The following AGBL4 variants were observed in gnomAD, a reference collection of about 807,000 sequenced individuals.
AGBL4 encodes AGBL carboxypeptidase 4.
In AGBL4, 58 loss-of-function variants were observed where a neutral mutation model predicts 66.4. The observed-to-expected ratio is 0.87, with a 90% CI of 0.71 to 1.09. The LOEUF (loss-of-function observed/expected upper bound fraction) is 1.09. AGBL4 is among the 50% of genes least tolerant of loss of function. The probability of loss-of-function intolerance (pLI) is 0.00; values close to 1 mark genes in which losing one functional copy is unlikely to be tolerated. For missense variants in AGBL4, 579 were observed against 631.0 expected (o/e 0.92, Z 0.88); for synonymous variants, 234 against 222.9 (o/e 1.05, Z -0.44).
chr1:48,926,776 A>T (rs1282293096), intron 5 of AGBL4, among the ~76,000 whole-genome samples: 1 of 152,172 alleles, frequency 6.6e-6, no homozygotes. Context: ...ACTGACTTGA[A>T]GTCTGTATTA....
chr1:48,977,687 C>A (rs777791855), intron 5 of AGBL4, among the ~76,000 whole-genome samples: 1 of 152,070 alleles, frequency 6.6e-6, no homozygotes, highest in Non-Finnish European at 1.5e-5. Flanking sequence ...GTTCCTTATG[C>A]TACTAAGCTA....
chr1:48,843,642 A>G (rs72890086), intron 6 of AGBL4, among the ~76,000 whole-genome samples: 6,296 of 152,250 alleles, frequency 0.041, 432 homozygotes, highest in African/African-American at 0.14. Context: ...CTAAACAAAA[A>G]CAAAGTGGAA....
chr1:48,896,951 G>A (rs961381059), intron 5 of AGBL4, among the ~76,000 whole-genome samples: 2 of 152,154 alleles, frequency 1.3e-5, no homozygotes, highest in African/African-American at 4.8e-5. Context: ...TGTTATTTCA[G>A]ATTTCTAATT....
intron 6 of AGBL4, among the ~76,000 whole-genome samples, chr1:48,739,302 T>C (rs1168436262): frequency 6.6e-6 from 1 of 152,252 alleles, no homozygotes; most frequent in Non-Finnish European, 1.5e-5. Flanking sequence ...TTTGACTAGA[T>C]GACTTCTGCA....
At chr1:49,967,471 C>T (rs1328494650) in intron 1 of AGBL4, among the ~76,000 whole-genome samples, 2 of 151,576 alleles carry the variant, frequency 1.3e-5, no homozygotes, top group Non-Finnish European at 2.9e-5. Flanking sequence ...AATAAGAACA[C>T]ATGGACATAG....
chr1:49,253,767 A>G (rs777822978), intron 3 of AGBL4, among the ~76,000 whole-genome samples: 1 of 152,132 alleles, frequency 6.6e-6, no homozygotes, highest in Non-Finnish European at 1.5e-5. Context: ...AAAATCCTCA[A>G]CAAAATACTG....
chr1:49,602,756 A>G (rs1042936080), intron 3 of AGBL4, among the ~76,000 whole-genome samples: 1 of 151,914 alleles, frequency 6.6e-6, no homozygotes, highest in Non-Finnish European at 1.5e-5. Flanking sequence ...TTTTGGGTTG[A>G]TGGCACATAT....
chr1:48,550,601 G>A (rs538151330), intron 11 of AGBL4, among the ~76,000 whole-genome samples: 4 of 152,128 alleles, frequency 2.6e-5, no homozygotes, highest in Non-Finnish European at 5.9e-5. Flanking sequence ...ATAGGTTCTA[G>A]GGATCAGGAA....
At chr1:49,098,609 A>G (rs1220351122) in intron 4 of AGBL4, among the ~76,000 whole-genome samples, 1 of 152,238 alleles carries the variant, frequency 6.6e-6, no homozygotes, top group Non-Finnish European at 1.5e-5. Context: ...TAAAGGTTTC[A>G]GGACACAGAA....
At chr1:49,466,362 G>A (rs1646631241) in intron 3 of AGBL4, among the ~76,000 whole-genome samples, 1 of 151,870 alleles carries the variant, frequency 6.6e-6, no homozygotes, top group Non-Finnish European at 1.5e-5. Flanking sequence ...ACAAGTCAAA[G>A]AAGAGAATAG....
chr1:49,725,481 T>C (rs544710344), intron 2 of AGBL4, among the ~76,000 whole-genome samples: 11 of 152,170 alleles, frequency 7.2e-5, no homozygotes, highest in Non-Finnish European at 1.6e-4. Flanking sequence ...CGCTGATCTA[T>C]GCTGGGCTGT....
At chr1:49,834,445 T>C (rs1420762904) in intron 2 of AGBL4, among the ~76,000 whole-genome samples, 1 of 152,182 alleles carries the variant, frequency 6.6e-6, no homozygotes, top group Non-Finnish European at 1.5e-5. Context: ...TTATCATTTA[T>C]TATTGTGTCT....
intron 5 of AGBL4, among the ~76,000 whole-genome samples, chr1:48,945,561 G>C (rs746726193): frequency 6.6e-6 from 1 of 152,174 alleles, no homozygotes; most frequent in Non-Finnish European, 1.5e-5. Flanking sequence ...TTATTTCATA[G>C]AGTTGTGAGC....
At chr1:49,026,415 A>G (rs1483757897) in intron 5 of AGBL4, among the ~76,000 whole-genome samples, 1 of 152,194 alleles carries the variant, frequency 6.6e-6, no homozygotes, top group Admixed American at 6.5e-5. Context: ...TACACAACAG[A>G]GTCATAAAAT....
chr1:50,014,354 G>A (rs1019621668), intron 1 of AGBL4, among the ~76,000 whole-genome samples: 7 of 151,302 alleles, frequency 4.6e-5, no homozygotes, highest in Non-Finnish European at 7.4e-5. Context: ...CTGGCCAAGT[G>A]GGACTTTGTC....
intron 3 of AGBL4, among the ~76,000 whole-genome samples, chr1:49,529,815 T>A (rs2148812022): frequency 6.6e-6 from 1 of 152,092 alleles, no homozygotes; most frequent in Admixed American, 6.5e-5. Flanking sequence ...TAGCAGACAG[T>A]TAAGGGCTAG....
chr1:48,946,225 G>T (rs1315971267), intron 5 of AGBL4, among the ~76,000 whole-genome samples: 1 of 152,210 alleles, frequency 6.6e-6, no homozygotes, highest in Non-Finnish European at 1.5e-5. Context: ...TGACCATACT[G>T]TGAAGTGAAT....
At chr1:48,813,596 A>C (rs1646107241) in intron 6 of AGBL4, among the ~76,000 whole-genome samples, 1 of 152,158 alleles carries the variant, frequency 6.6e-6, no homozygotes, top group African/African-American at 2.4e-5. Flanking sequence ...CTATATCTAC[A>C]ACCTGGCCAC....
chr1:48,592,710 G>A (rs1331107706), intron 9 of AGBL4, among the ~76,000 whole-genome samples: 3 of 152,152 alleles, frequency 2.0e-5, no homozygotes, highest in Non-Finnish European at 4.4e-5. Flanking sequence ...TATATCTCTC[G>A]ATGTCAGAGC....
Sources: gnomAD v4.1 joint callset for allele counts (sites outside exome capture counted in the v4.1 genomes callset) on GRCh38, gnomAD v4.1.1 for gene constraint, MANE v1.5 for transcripts, NCBI Gene and HGNC (gene_info 2026-07-23, HGNC 2026-07-21) for gene names.